The following PPP1R42 variants were observed in gnomAD, a reference collection of about 807,000 sequenced individuals.
PPP1R42 encodes the protein leucine rich repeat containing 67.
In PPP1R42, 34 loss-of-function variants were observed where a neutral mutation model predicts 31.0. The ratio of observed to expected loss-of-function variants is 1.10; its 90% CI spans 0.83 to 1.46. PPP1R42 has a LOEUF of 1.46. PPP1R42 is among the 40% of genes most tolerant of loss of function. PPP1R42 has a pLI of 0.00. For missense variants in PPP1R42, 268 were observed against 303.0 expected, an observed-to-expected ratio of 0.88 and a Z score of 0.86; for synonymous variants, 103 against 109.8, an observed-to-expected ratio of 0.94 and a Z score of 0.39.
chr8:67,019,930 GC>G (rs1816160247), intron 1 of PPP1R42, among the ~76,000 whole-genome samples: 1 of 151,550 alleles, frequency 6.6e-6, no homozygotes, highest in Non-Finnish European at 1.5e-5. Context: ...AAAAAACTAA[GC>G]CCCAGAGATT....
chr8:67,017,814 G>C lies in PPP1R42; in HGVS notation c.-67C>G. On this transcript the variant is annotated 5_prime_UTR_variant, in exon 2 of 8. Transcript: ENST00000685739. ...GACACCATGTCAAGAAGTAGGTTTA[G>C]GTATTATTTCCAACTTTCTGAAGAT... The C allele has an allele frequency of 1.3e-5, 19 of 1,446,016 alleles. No individual in the cohort carries two copies. In the South Asian group the frequency reaches 3.3e-4, roughly 25 times the overall value. 89.6% of individuals were successfully genotyped at this position (1,446,016 alleles called of 1,614,324 possible). A position where few individuals can be genotyped will look rare whatever the true frequency, so the allele number is the denominator to read the frequency against.
At chr8:66,994,703 C>T (rs1307744855) in intron 5 of PPP1R42, among the ~76,000 whole-genome samples, 1 of 152,066 alleles carries the variant, frequency 6.6e-6, no homozygotes, top group African/African-American at 2.4e-5. Flanking sequence ...ATTAACAGGA[C>T]TTTCATAGTA....
chr8:66,984,161 T>C (rs1015902083), intron 6 of PPP1R42: 10 of 1,593,164 alleles, frequency 6.3e-6, no homozygotes, highest in Admixed American at 5.0e-5. Context: ...ACAGATTCAC[T>C]CAGCGCAAGG....
At chr8:66,987,287 CTTTTTTT>C (rs71249412) in intron 6 of PPP1R42, among the ~76,000 whole-genome samples, 7 of 106,008 alleles carry the variant, frequency 6.6e-5, no homozygotes, top group African/African-American at 2.3e-4. Context: ...AGCAAATGAT[CTTTTTTT>C]TTTTTTTTTT....
intron 7 of PPP1R42, among the ~76,000 whole-genome samples, chr8:66,973,968 C>T (rs1814603428): frequency 6.6e-6 from 1 of 152,196 alleles, no homozygotes; most frequent in South Asian, 2.1e-4. Context: ...ATATACACTT[C>T]CTTTATCCAT....
At chr8:67,014,751 A>C (rs185703518) in intron 2 of PPP1R42, among the ~76,000 whole-genome samples, 159 bp from the exon 3 acceptor site, 55 of 152,302 alleles carry the variant, frequency 3.6e-4, no homozygotes, top group African/African-American at 8.2e-4. Context: ...ACAAGACTAG[A>C]CTGATTACAA....
chr8:67,013,694 T>C (rs915760733), intron 3 of PPP1R42, among the ~76,000 whole-genome samples: 39 of 152,140 alleles, frequency 2.6e-4, no homozygotes, highest in African/African-American at 9.4e-4. Context: ...CATTCCAGCC[T>C]GGGTGACAGA....
chr8:67,007,645 C>T (rs1815725800), intron 5 of PPP1R42, among the ~76,000 whole-genome samples: 1 of 152,220 alleles, frequency 6.6e-6, no homozygotes. Flanking sequence ...TCTAGCCCAG[C>T]TGAGTACAAT....
intron 5 of PPP1R42, 172 bp downstream of exon 5, chr8:67,010,543 G>C: frequency 1.8e-6 from 1 of 559,452 alleles, no homozygotes; most frequent in South Asian, 2.4e-5. Flanking sequence ...AACTAAATAA[G>C]AGGACAGAAT....
At chr8:67,019,649 T>C (rs1816147772) in intron 1 of PPP1R42, among the ~76,000 whole-genome samples, 1 of 151,740 alleles carries the variant, frequency 6.6e-6, no homozygotes, top group Non-Finnish European at 1.5e-5. Context: ...CCCCAGCACT[T>C]TGGGAAGCCG....
chr8:67,018,553 G>GC (rs1280174132), intron 1 of PPP1R42, among the ~76,000 whole-genome samples: 1 of 139,850 alleles, frequency 7.2e-6, no homozygotes, highest in Non-Finnish European at 1.6e-5. Flanking sequence ...TCGCTCTGTC[G>GC]CCAGGCTGGA....
intron 1 of PPP1R42, chr8:67,027,068 T>C (rs1452169705): frequency 6.6e-6 from 1 of 151,848 alleles, no homozygotes; most frequent in Non-Finnish European, 1.5e-5. Context: ...GCCTGGCTAA[T>C]TTTTGTATTT....
chr8:66,990,845 A>G (rs1563420747), intron 5 of PPP1R42, among the ~76,000 whole-genome samples: 1 of 152,152 alleles, frequency 6.6e-6, no homozygotes, highest in African/African-American at 2.4e-5. Flanking sequence ...TCCTGACTCA[A>G]CTGTGCAATG....
intron 6 of PPP1R42, chr8:66,984,179 A>C (rs1275830086): frequency 6.3e-7 from 1 of 1,586,072 alleles, no homozygotes. Context: ...AGGTCCCAGT[A>C]ATGTTCAGCC....
intron 2 of PPP1R42, among the ~76,000 whole-genome samples, chr8:67,017,248 CG>C (rs1328628113): frequency 6.6e-6 from 1 of 152,018 alleles, no homozygotes; most frequent in Non-Finnish European, 1.5e-5. Flanking sequence ...CCAAGGCAGG[CG>C]GATCACTTCT....
chr8:66,970,817 C>G (rs1563412203), intron 7 of PPP1R42: 3 of 661,638 alleles, frequency 4.5e-6, no homozygotes, highest in Non-Finnish European at 8.2e-6. Context: ...TTGGGCAGAC[C>G]AACAATGAAC....
At chr8:66,965,528 C>T (rs1006745954) in intron 7 of PPP1R42, among the ~76,000 whole-genome samples, 3 of 151,352 alleles carry the variant, frequency 2.0e-5, no homozygotes, top group Non-Finnish European at 2.9e-5. Context: ...GCTTGAACTC[C>T]GGGGATCAAG....
rs114740318 is a variant in PPP1R42 at position 66,985,976 on chromosome 8, G to A, written c.670+2424C>T. ...TCTTTAGCTTTCGTTTTCTGCTTCC[G>A]TCACTGCTAGACTTGGAATGCCTAG... On this transcript the variant is annotated intron_variant, in intron 6 of 7. Transcript: ENST00000685739. 2.6e-3 allele frequency: 1,947 copies of A among 744,998 alleles called. 23 individuals carry two copies. The African/African-American group carries it at 0.029, about 11-fold the overall frequency. The allele number at this position is 744,998 out of a possible 1,614,324, so 46.1% of individuals were successfully genotyped here.
intron 5 of PPP1R42, among the ~76,000 whole-genome samples, chr8:66,993,447 C>T (rs1201650839): frequency 6.6e-6 from 1 of 152,194 alleles, no homozygotes; most frequent in Non-Finnish European, 1.5e-5. Flanking sequence ...GCACTATGTT[C>T]CACCTTCACT....
Sources: gnomAD v4.1 joint callset for allele counts (sites outside exome capture counted in the v4.1 genomes callset) on GRCh38, gnomAD v4.1.1 for gene constraint, MANE v1.5 for transcripts, NCBI Gene and HGNC (gene_info 2026-07-23, HGNC 2026-07-21) for gene names.